DNALI1: variants seen among roughly 807,000 people sequenced by gnomAD.
DNALI1 encodes the protein axonemal dynein light intermediate polypeptide 1.
Under a neutral mutation model 33.9 loss-of-function variants are expected in DNALI1, and 31 were observed. That is an observed-to-expected ratio of 0.91 (90% CI 0.69 to 1.23). DNALI1 has a LOEUF of 1.23. Among genes scored for constraint, DNALI1 ranks in the 50% most tolerant of loss-of-function variants. The pLI is 0.00. For missense variants in DNALI1, 305 were observed against 323.8 expected (o/e 0.94, Z 0.44); for synonymous variants, 117 against 129.2 (o/e 0.91, Z 0.64).
chr1:37,559,606 T>C lies in DNALI1; in HGVS notation c.397+110T>C. The stretch of plus-strand genomic sequence containing the variant: ...CTTGGAGCTGGAGCCCATCTCATGC[T>C]GGAATCCCCTCTTCTCCCCCTGCCT... On this transcript the variant is annotated intron_variant, in intron 3 of 5. Transcript: ENST00000652629. The surrounding 1 kb of genome is among the most constrained non-coding windows in gnomAD (Gnocchi z 5.3). The C allele has an allele frequency of 7.9e-7, 1 of 1,260,854 alleles. No homozygotes were observed. Among genetic ancestry groups the C allele is most frequent in the Non-Finnish European group, 1.0e-6 (1 of 970,988 alleles). The allele number at this position is 1,260,854 out of a possible 1,614,324, so 78.1% of individuals were successfully genotyped here.
At position 37,566,653 on chromosome 1, in the gene DNALI1, A is replaced by G; in HGVS notation, c.*1592A>G. 3 of 564,414 alleles carry G rather than the reference A, an allele frequency of 5.3e-6. No homozygotes were observed. The highest frequency in any genetic ancestry group is 6.2e-6 in the Non-Finnish European group (2 of 321,644). The allele number at this position is 564,414 out of a possible 1,614,324, so 35.0% of individuals were successfully genotyped here. ...GAACCTCTTAGTTCATCCAAAGTCT[A>G]CCTGAAGTGCTAGACTTTCAGACTC... On this transcript the variant is annotated 3_prime_UTR_variant, in exon 6 of 6. Transcript: ENST00000652629.
At chr1:37,557,183 G>T in intron 1 of DNALI1, 108 bp downstream of exon 1, 1 of 1,516,814 alleles carries the variant, frequency 6.6e-7, no homozygotes, top group Non-Finnish European at 8.9e-7. Context: ...TGCAGCGACT[G>T]GGAGTAAAGG....
rs1643444297 is a variant in DNALI1 at position 37,561,907 on chromosome 1, C to CT, written c.576+173dup. 7.4e-7 allele frequency: 1 copy of CT among 1,350,652 alleles called. No homozygotes were observed. The highest frequency in any genetic ancestry group is 2.4e-5 in the Admixed American group (1 of 42,210). The allele number at this position is 1,350,652 out of a possible 1,614,324, so 83.7% of individuals were successfully genotyped here. On this transcript the variant is annotated intron_variant, in intron 4 of 5. Transcript: ENST00000652629. The surrounding 1 kb of genome is among the most constrained non-coding windows in gnomAD (Gnocchi z 4.6). ...CCCCTGGTTGAGTATGATGGCCAGC[C>CT]TGGTGGTCTTGGCAGAGTTGTTTCC...
At position 37,556,951 on chromosome 1, in the gene DNALI1, A is replaced by G. The variant is rs982892705; in HGVS notation, c.-44A>G. On this transcript the variant is annotated 5_prime_UTR_variant, in exon 1 of 6. Transcript: ENST00000652629. Reference sequence around the variant, plus strand: ...TCCATGGTGACGGCAAACAAGGCCCACACTGGACAGGGCAGCTGCTGGGTT... The same window carrying G: ...TCCATGGTGACGGCAAACAAGGCCCGCACTGGACAGGGCAGCTGCTGGGTT... The G allele has an allele frequency of 3.1e-6, 5 of 1,614,126 alleles. No individual in the cohort carries two copies. Among genetic ancestry groups the G allele is most frequent in the African/African-American group, 2.7e-5 (2 of 74,948 alleles).
intron 1 of DNALI1, among the ~76,000 whole-genome samples, 194 bp from the exon 2 acceptor site, chr1:37,557,409 T>C (rs899738304): frequency 2.0e-5 from 3 of 152,138 alleles, no homozygotes; most frequent in African/African-American, 7.2e-5. Context: ...AAACACCTGT[T>C]CAAGCATTGA....
At position 37,561,990 on chromosome 1, in the gene DNALI1, G is replaced by T. The variant is rs1471958481; in HGVS notation, c.577-91G>T. 41 of 1,572,354 alleles carry T rather than the reference G, an allele frequency of 2.6e-5. No homozygotes were observed. The highest frequency in any genetic ancestry group is 3.3e-5 in the Non-Finnish European group (38 of 1,155,172). ...CCACTGGGTGGCAGTATATACCCTGGCAATGTCATGTCCCATGTCCCTTCC... is the reference window on the plus strand; with the variant it reads ...CCACTGGGTGGCAGTATATACCCTGTCAATGTCATGTCCCATGTCCCTTCC... On this transcript the variant is annotated intron_variant, in intron 4 of 5. Transcript: ENST00000652629. The surrounding 1 kb of genome is among the most constrained non-coding windows in gnomAD (Gnocchi z 4.6).
chr1:37,557,271 T>A (rs1643382448), intron 1 of DNALI1, among the ~76,000 whole-genome samples, 196 bp downstream of exon 1: 1 of 152,004 alleles, frequency 6.6e-6, no homozygotes, highest in African/African-American at 2.4e-5. Flanking sequence ...AGAGGGCAGA[T>A]TTAGGATGGG....
intron 3 of DNALI1, among the ~76,000 whole-genome samples, chr1:37,560,209 C>T (rs1570038364): frequency 6.6e-6 from 1 of 152,312 alleles, no homozygotes; most frequent in East Asian, 1.9e-4. Context: ...GGCAAGGGGC[C>T]TTCCTCTTTT....
At position 37,562,078 on chromosome 1, in the gene DNALI1, C is replaced by A; in HGVS notation, c.577-3C>A. On this transcript the variant is annotated splice_polypyrimidine_tract_variant and splice_region_variant and intron_variant, in intron 4 of 5. Transcript: ENST00000652629. This position sits in a 1 kb window ranked among gnomAD's most constrained non-coding sequence, Gnocchi z 5.8. The stretch of plus-strand genomic sequence containing the variant: ...CCAGGATGACTGGGCATTCTCTCCT[C>A]AGATCGCAGAATTGGAGACGGAAAA... The A allele has an allele frequency of 2.5e-6, 4 of 1,613,890 alleles. No individual in the cohort carries two copies. The highest frequency in any genetic ancestry group is 2.5e-6 in the Non-Finnish European group (3 of 1,179,928).
chr1:37,561,946 C>G lies in DNALI1; in HGVS notation c.577-135C>G, dbSNP rs186497242. On this transcript the variant is annotated intron_variant, in intron 4 of 5. Transcript: ENST00000652629. The surrounding 1 kb of genome is among the most constrained non-coding windows in gnomAD (Gnocchi z 4.6). ...AGAGTTGTTTCCGCTGTAGACGCTC[C>G]ATGCCAGGCACTGACCTCCCACTGG... The G allele has an allele frequency of 3.5e-5, 51 of 1,441,920 alleles. No individual in the cohort carries two copies. The East Asian group carries it at 7.1e-4, about 20-fold the overall frequency. The allele number at this position is 1,441,920 out of a possible 1,614,324, so 89.3% of individuals were successfully genotyped here. A position where few individuals can be genotyped will look rare whatever the true frequency, so the allele number is the denominator to read the frequency against.
chr1:37,566,683 C>G lies in DNALI1; in HGVS notation c.*1622C>G. The G allele has an allele frequency of 1.6e-6, 1 of 616,156 alleles. No homozygotes were observed. Among genetic ancestry groups the G allele is most frequent in the Non-Finnish European group, 2.8e-6 (1 of 355,292 alleles). The allele number at this position is 616,156 out of a possible 1,614,324, so 38.2% of individuals were successfully genotyped here. A position where few individuals can be genotyped will look rare whatever the true frequency, so the allele number is the denominator to read the frequency against. ...AAGTGCTAGACTTTCAGACTCTTAT[C>G]ACTGAAATCCTTAAGGTTGAGGAGG... is the stretch of plus-strand genomic sequence containing the variant. On this transcript the variant is annotated 3_prime_UTR_variant, in exon 6 of 6. Transcript: ENST00000652629.
At position 37,561,376 on chromosome 1, in the gene DNALI1, T is replaced by C. The variant is rs1643436439; in HGVS notation, c.398-181T>C. 1.5e-6 allele frequency: 1 copy of C among 682,914 alleles called. No homozygotes were observed. The highest frequency in any genetic ancestry group is 1.8e-5 in the African/African-American group (1 of 55,440). The allele number at this position is 682,914 out of a possible 1,614,324, so 42.3% of individuals were successfully genotyped here. ...TGCCAAGTTCAGAGGAGTGACTGCATGGCAAGGCTCTTTGGGCCACTGAAG... is the reference window on the plus strand; with the variant it reads ...TGCCAAGTTCAGAGGAGTGACTGCACGGCAAGGCTCTTTGGGCCACTGAAG... On this transcript the variant is annotated intron_variant, in intron 3 of 5. Coordinates refer to ENST00000652629, the MANE Select transcript of DNALI1 (RefSeq NM_003462.5). The surrounding 1 kb of genome is among the most constrained non-coding windows in gnomAD (Gnocchi z 4.6).
At position 37,566,706 on chromosome 1, in the gene DNALI1, A is replaced by C. The variant is rs935972134; in HGVS notation, c.*1645A>C. 2.9e-6 allele frequency: 2 copies of C among 695,252 alleles called. No homozygotes were observed. The highest frequency in any genetic ancestry group is 1.8e-5 in the African/African-American group (1 of 55,874). The allele number at this position is 695,252 out of a possible 1,614,324, so 43.1% of individuals were successfully genotyped here. The stretch of plus-strand genomic sequence containing the variant: ...ATCACTGAAATCCTTAAGGTTGAGG[A>C]GGCTTTATTTCCCTAGCACTGGTGA... On this transcript the variant is annotated 3_prime_UTR_variant, in exon 6 of 6. Coordinates refer to ENST00000652629, the MANE Select transcript of DNALI1 (RefSeq NM_003462.5).
intron 1 of DNALI1, 112 bp from the exon 2 acceptor site, chr1:37,557,491 G>A: frequency 7.0e-7 from 1 of 1,429,586 alleles, no homozygotes; most frequent in Non-Finnish European, 9.4e-7. Flanking sequence ...ACCCAAAGTA[G>A]GCTAGGAAGA....
In DNALI1 at chr1:37,557,088, GC is replaced by G; in HGVS notation, c.81+14del. On this transcript the variant is annotated intron_variant, in intron 1 of 5. Coordinates refer to ENST00000652629, the MANE Select transcript of DNALI1 (RefSeq NM_003462.5). The stretch of plus-strand genomic sequence containing the variant: ...ACGGAGCCCCAAGGTAAAGACGGGG[GC>G]TCGGGAGACAAAGGAGCCTCGAAAC... The G allele has an allele frequency of 6.2e-7, 1 of 1,614,144 alleles. No homozygotes were observed. The highest frequency in any genetic ancestry group is 8.5e-7 in the Non-Finnish European group (1 of 1,179,986).
rs1189775561 is a variant in DNALI1 at position 37,566,397 on chromosome 1, A to G, written c.*1336A>G. 6.5e-6 allele frequency: 1 copy of G among 154,628 alleles called. No homozygotes were observed. Among genetic ancestry groups the G allele is most frequent in the African/African-American group, 2.4e-5 (1 of 41,454 alleles). The allele number at this position is 154,628 out of a possible 1,614,324, so 9.6% of individuals were successfully genotyped here. ...TATGTGCCATAAGTGGGTCTACTTC[A>G]CAGACTCAATGAGGCAGAAATTATT... On this transcript the variant is annotated 3_prime_UTR_variant, in exon 6 of 6. Transcript: ENST00000652629.
At position 37,565,284 on chromosome 1, in the gene DNALI1, G is replaced by C; in HGVS notation, c.*223G>C. ...GTCTGCCAGCCAGGCTCCTGGCTGG[G>C]CAATGGAAGATGGTGTGGCCCTGTT... is the stretch of plus-strand genomic sequence containing the variant. On this transcript the variant is annotated 3_prime_UTR_variant, in exon 6 of 6. Coordinates refer to ENST00000652629, the MANE Select transcript of DNALI1 (RefSeq NM_003462.5). 5.2e-6 allele frequency: 3 copies of C among 576,140 alleles called. No homozygotes were observed. The highest frequency in any genetic ancestry group is 9.3e-6 in the Non-Finnish European group (3 of 324,256). 35.7% of individuals were successfully genotyped at this position (576,140 alleles called of 1,614,324 possible). A position where few individuals can be genotyped will look rare whatever the true frequency, so the allele number is the denominator to read the frequency against.
chr1:37,565,023 C>T lies in DNALI1; in HGVS notation c.742-3C>T, dbSNP rs892396198. 1.2e-6 allele frequency: 2 copies of T among 1,614,038 alleles called. No homozygotes were observed. The highest frequency in any genetic ancestry group is 1.7e-6 in the Non-Finnish European group (2 of 1,179,980). On this transcript the variant is annotated splice_region_variant and splice_polypyrimidine_tract_variant and intron_variant, in intron 5 of 5. Coordinates refer to ENST00000652629, the MANE Select transcript of DNALI1 (RefSeq NM_003462.5). ...ATTAATGGAGCTTGTTTTTGTTTTT[C>T]AGGCCCAACTGGAAGGCATTATTGC... is the stretch of plus-strand genomic sequence containing the variant.
At position 37,565,658 on chromosome 1, in the gene DNALI1, G is replaced by A. The variant is rs910997329; in HGVS notation, c.*597G>A. On this transcript the variant is annotated 3_prime_UTR_variant, in exon 6 of 6. Coordinates refer to ENST00000652629, the MANE Select transcript of DNALI1 (RefSeq NM_003462.5). Reference sequence around the variant, plus strand: ...AGGAAACAATGGCAGTCAAACCCATGGCTTTGGAGAAAGTAAATGTTTGCC... The same window carrying A: ...AGGAAACAATGGCAGTCAAACCCATAGCTTTGGAGAAAGTAAATGTTTGCC... 6.5e-6 allele frequency: 1 copy of A among 152,908 alleles called. No individual in the cohort carries two copies. The highest frequency in any genetic ancestry group is 1.5e-5 in the Non-Finnish European group (1 of 68,616). 9.5% of individuals were successfully genotyped at this position (152,908 alleles called of 1,614,324 possible). A position where few individuals can be genotyped will look rare whatever the true frequency, so the allele number is the denominator to read the frequency against.
Sources: gnomAD v4.1 joint callset for allele counts (sites outside exome capture counted in the v4.1 genomes callset) on GRCh38, gnomAD v4.1.1 for gene constraint, Gnocchi (gnomAD v3.1) non-coding constraint, MANE v1.5 for transcripts, NCBI Gene and HGNC (gene_info 2026-07-23, HGNC 2026-07-21) for gene names.